Variants in DOCK3 observed in about 807,000 individuals in gnomAD.
The protein encoded by DOCK3 is dedicator of cytokinesis 3.
DOCK3 carries 60 observed loss-of-function variants against 265.6 expected under a neutral mutation model. The ratio of observed to expected loss-of-function variants is 0.23; its 90% CI spans 0.18 to 0.28. DOCK3 has a LOEUF of 0.28. DOCK3 is among the 10% of genes least tolerant of loss of function. The probability of loss-of-function intolerance (pLI) is 1.00; values close to 1 mark genes in which losing one functional copy is unlikely to be tolerated. For missense variants in DOCK3, 1,981 were observed against 2,594.3 expected (o/e 0.76, Z 5.14); for synonymous variants, 881 against 938.0 (o/e 0.94, Z 1.11).
chr3:50,675,499 G>A lies in DOCK3; in HGVS notation c.37+199G>A, dbSNP rs1268203672. Among the ~76,000 whole-genome samples the A allele has an allele frequency of 6.6e-6, 1 of 151,966 alleles. No homozygotes were observed. The highest frequency in any genetic ancestry group is 2.4e-5 in the African/African-American group (1 of 41,422). ...GGGCGCGGGTCTCTGTGCAGAGAGGGCGGCAGGGGGCGCTGGCGGTGCGGC... is the reference window on the plus strand; with the variant it reads ...GGGCGCGGGTCTCTGTGCAGAGAGGACGGCAGGGGGCGCTGGCGGTGCGGC... On this transcript the variant is annotated intron_variant, in intron 1 of 52. Transcript: ENST00000266037. This position sits in a 1 kb window ranked among gnomAD's most constrained non-coding sequence, Gnocchi z 6.1.
intron 2 of DOCK3, among the ~76,000 whole-genome samples, chr3:50,795,126 T>G (rs2042698772): frequency 6.6e-6 from 1 of 152,198 alleles, no homozygotes; most frequent in African/African-American, 2.4e-5. Context: ...TTTGCCTTTG[T>G]AGGTTACCTG....
At chr3:50,750,555 C>G (rs1411812587) in intron 1 of DOCK3, among the ~76,000 whole-genome samples, 1 of 152,164 alleles carries the variant, frequency 6.6e-6, no homozygotes, top group Non-Finnish European at 1.5e-5. Flanking sequence ...GTCTCGATCT[C>G]TTGACCTCAT....
At chr3:50,877,758 C>T (rs908541894) in intron 3 of DOCK3, 19 of 295,080 alleles carry the variant, frequency 6.4e-5, no homozygotes, top group Non-Finnish European at 2.0e-5. Flanking sequence ...ACTGCAACCT[C>T]CGCCTCCTGG....
chr3:50,711,690 A>G (rs941766610), intron 1 of DOCK3, among the ~76,000 whole-genome samples: 1 of 152,196 alleles, frequency 6.6e-6, no homozygotes, highest in Non-Finnish European at 1.5e-5. Flanking sequence ...TACTGGCCCC[A>G]TATAATTAGT....
At chr3:51,198,588 A>AAC (rs931110782) in intron 12 of DOCK3, among the ~76,000 whole-genome samples, 3 of 151,822 alleles carry the variant, frequency 2.0e-5, no homozygotes. Context: ...CCAAAAAAAA[A>AAC]AAAAAAAACA....
chr3:51,255,335 G>A (rs776884051), intron 22 of DOCK3, among the ~76,000 whole-genome samples: 2 of 152,058 alleles, frequency 1.3e-5, no homozygotes, highest in Admixed American at 6.6e-5. Context: ...GAATCTGACA[G>A]TTATGTGTCT....
chr3:50,796,044 A>AT lies in DOCK3; in HGVS notation c.121+17300dup, dbSNP rs752830380. 4.8e-3 allele frequency among the ~76,000 whole-genome samples: 659 copies of AT among 137,890 alleles called. 1 individual carries two copies. Among genetic ancestry groups the AT allele is most frequent in the Middle Eastern group, 0.011 (3 of 268 alleles). The allele number at this position is 137,890 out of a possible 152,430, so 90.5% of individuals were successfully genotyped here. ...CCCTTTCTGGAGAGGTGGTGTGGTT[A>AT]TTTTTTTTTTTTTTCAGACGGAGTC... On this transcript the variant is annotated intron_variant, in intron 2 of 52. Transcript: ENST00000266037.
At chr3:50,862,763 G>T (rs543132595) in intron 3 of DOCK3, among the ~76,000 whole-genome samples, 2 of 152,302 alleles carry the variant, frequency 1.3e-5, no homozygotes, top group African/African-American at 4.8e-5. Context: ...TGAATTGGCT[G>T]TCCTTTATTG....
intron 12 of DOCK3, among the ~76,000 whole-genome samples, chr3:51,197,393 T>A (rs547457397): frequency 6.6e-6 from 1 of 152,290 alleles, no homozygotes; most frequent in South Asian, 2.1e-4. Context: ...GCATGAGTGA[T>A]AGCAGTAGCG....
At chr3:51,186,042 T>C (rs889382691) in intron 12 of DOCK3, among the ~76,000 whole-genome samples, 1 of 152,174 alleles carries the variant, frequency 6.6e-6, no homozygotes, top group Non-Finnish European at 1.5e-5. Flanking sequence ...TGGAAGCAAC[T>C]TTGAAACTGG....
intron 4 of DOCK3, among the ~76,000 whole-genome samples, chr3:50,926,038 G>A (rs1417544749): frequency 6.6e-6 from 1 of 151,646 alleles, no homozygotes; most frequent in African/African-American, 2.4e-5. Context: ...TTACCATGTC[G>A]GCCAGGCTGG....
chr3:50,794,132 G>A (rs1411772582), intron 2 of DOCK3, among the ~76,000 whole-genome samples: 2 of 152,164 alleles, frequency 1.3e-5, no homozygotes, highest in Admixed American at 1.3e-4. Context: ...TGCATTTGCT[G>A]AGGAGTGTTT....
chr3:51,184,986 C>A (rs1272434759), intron 12 of DOCK3, among the ~76,000 whole-genome samples: 2 of 151,996 alleles, frequency 1.3e-5, no homozygotes, highest in Non-Finnish European at 2.9e-5. Context: ...GGGAACAATC[C>A]CACCTGAAAA....
chr3:50,912,524 A>C (rs2049911338), intron 4 of DOCK3, among the ~76,000 whole-genome samples: 1 of 152,122 alleles, frequency 6.6e-6, no homozygotes, highest in African/African-American at 2.4e-5. Context: ...CCTTCCCTTC[A>C]GGATGCCAAG....
intron 5 of DOCK3, among the ~76,000 whole-genome samples, chr3:50,957,301 T>C (rs997949557): frequency 2.6e-5 from 4 of 152,228 alleles, no homozygotes; most frequent in Admixed American, 1.3e-4. Context: ...GGTACTGATA[T>C]TGAAGTTCAT....
chr3:51,074,923 G>A (rs1260766075), intron 6 of DOCK3, among the ~76,000 whole-genome samples: 1 of 152,018 alleles, frequency 6.6e-6, no homozygotes, highest in Non-Finnish European at 1.5e-5. Flanking sequence ...ACTTTTAAGA[G>A]GTGAATTTTA....
At chr3:51,121,041 C>CA (rs1244624557) in intron 9 of DOCK3, among the ~76,000 whole-genome samples, 1 of 152,048 alleles carries the variant, frequency 6.6e-6, no homozygotes, top group Non-Finnish European at 1.5e-5. Flanking sequence ...CAAAAACAAA[C>CA]AAAAAAACTC....
chr3:51,375,862 C>T (rs1390190599), intron 51 of DOCK3, 27 bp downstream of exon 51: 6 of 1,612,502 alleles, frequency 3.7e-6, no homozygotes, highest in Non-Finnish European at 5.1e-6. Context: ...GGCCTTCCCC[C>T]CATGTCTGTC....
intron 3 of DOCK3, among the ~76,000 whole-genome samples, chr3:50,870,548 G>A (rs561055415): frequency 4.7e-4 from 72 of 152,040 alleles, no homozygotes; most frequent in Admixed American, 4.1e-3. Flanking sequence ...TGGGTTTTGC[G>A]TTTTCGTTTA....
Sources: gnomAD v4.1 joint callset for allele counts (sites outside exome capture counted in the v4.1 genomes callset) on GRCh38, gnomAD v4.1.1 for gene constraint, Gnocchi (gnomAD v3.1) non-coding constraint, MANE v1.5 for transcripts, NCBI Gene and HGNC (gene_info 2026-07-23, HGNC 2026-07-21) for gene names.